The following CD99L2 variants were observed in gnomAD, a reference collection of about 807,000 sequenced individuals.
CD99L2 encodes the protein CD99 antigen-like protein 2.
In CD99L2, 24 loss-of-function variants were observed where a neutral mutation model predicts 27.3. The ratio of observed to expected loss-of-function variants is 0.88; its 90% CI spans 0.64 to 1.24. The LOEUF (loss-of-function observed/expected upper bound fraction) is 1.24. CD99L2 is among the 50% of genes most tolerant of loss of function. CD99L2 has a pLI of 0.00. For missense variants in CD99L2, 255 were observed against 221.6 expected (o/e 1.15, Z -0.96); for synonymous variants, 97 against 87.9 (o/e 1.10, Z -0.58).
chrX:150,875,754 G>GT (rs1211002764), intron 1 of CD99L2, among the ~76,000 whole-genome samples: 1 of 111,530 alleles, frequency 9.0e-6, no homozygotes, highest in East Asian at 2.8e-4. Context: ...ATGATGGTGA[G>GT]TAAGTCTCAC....
At position 150,768,836 on chromosome X, in the gene CD99L2, G is replaced by C. The variant is rs1010579387; in HGVS notation, c.*198C>G. On this transcript the variant is annotated 3_prime_UTR_variant, in exon 11 of 11. Coordinates refer to ENST00000370377, the MANE Select transcript of CD99L2 (RefSeq NM_031462.4). ...CTATCAGAGCTGGCTCTTGAATTTC[G>C]GCACCAAGTCTCAGCACGCTTGGGG... The C allele has an allele frequency of 7.6e-6, 7 of 924,100 alleles. No individual in the cohort carries two copies. Among genetic ancestry groups the C allele is most frequent in the Non-Finnish European group, 6.8e-6 (5 of 733,491 alleles). The allele number at this position is 924,100 out of a possible 1,213,427, so 76.2% of individuals were successfully genotyped here.
At chrX:150,879,924 C>CTAAAAAA (rs1557422441) in intron 1 of CD99L2, among the ~76,000 whole-genome samples, 1 of 70,809 alleles carries the variant, frequency 1.4e-5, no homozygotes. Context: ...CACCCTGTCT[C>CTAAAAAA]CAAAAAAAAA....
intron 1 of CD99L2, among the ~76,000 whole-genome samples, chrX:150,890,976 G>A (rs899002887): frequency 3.5e-5 from 4 of 112,754 alleles, no homozygotes; most frequent in Admixed American, 1.9e-4. Flanking sequence ...ACCTTCCTGG[G>A]CCCTCAGATA....
intron 1 of CD99L2, among the ~76,000 whole-genome samples, chrX:150,886,623 G>A (rs782027446): frequency 1.8e-5 from 2 of 112,327 alleles, no homozygotes; most frequent in African/African-American, 6.5e-5. Context: ...CTTTACAGTC[G>A]TGGTTCTCAA....
rs1557419885 is a variant in CD99L2, at chrX:150,795,518, C to A, written c.278-32G>T. 5.1e-6 allele frequency: 6 copies of A among 1,180,807 alleles called. No individual in the cohort carries two copies. In the Admixed American group the frequency reaches 1.3e-4, roughly 26 times the overall value. ...GGGGAAGGGAGGACAGCAAAGGGAG[C>A]ACATTTAGGAACAAAATGCAGCAGC... On this transcript the variant is annotated intron_variant, in intron 4 of 10. Transcript: ENST00000370377.
At chrX:150,881,932 C>T (rs1213647718) in intron 1 of CD99L2, among the ~76,000 whole-genome samples, 1 of 109,567 alleles carries the variant, frequency 9.1e-6, no homozygotes. Flanking sequence ...ATTCTCCTGC[C>T]TCAGCCTCCT....
rs1440168071 is a variant in CD99L2, at chrX:150,898,627, AG to A, written c.-40del. The A allele has an allele frequency of 1.1e-4, 118 of 1,050,597 alleles. 1 individual carries two copies. Among genetic ancestry groups the A allele is most frequent in the Non-Finnish European group, 1.4e-4 (115 of 811,453 alleles). 86.6% of individuals were successfully genotyped at this position (1,050,597 alleles called of 1,213,427 possible). ...CGGAGGGCCCCGGAGGAGCACAGTT[AG>A]CGCGAGAGCGCCCGAAGGGGAGGCC... is the stretch of plus-strand genomic sequence containing the variant. On this transcript the variant is annotated 5_prime_UTR_variant, in exon 1 of 11. Coordinates refer to ENST00000370377, the MANE Select transcript of CD99L2 (RefSeq NM_031462.4).
At chrX:150,804,030 C>T (rs1354884233) in intron 4 of CD99L2, among the ~76,000 whole-genome samples, 11 of 111,912 alleles carry the variant, frequency 9.8e-5, no homozygotes, top group Admixed American at 2.8e-4. Flanking sequence ...AAGGAAACAG[C>T]GGGCCAGGAC....
intron 1 of CD99L2, among the ~76,000 whole-genome samples, chrX:150,879,925 CAAA>C (rs782555339): frequency 7.3e-5 from 2 of 27,319 alleles, no homozygotes; most frequent in South Asian, 2.5e-3. Flanking sequence ...ACCCTGTCTC[CAAA>C]AAAAAAAAAA....
In CD99L2 at chrX:150,766,524, C is replaced by G. The variant is rs2043315280; in HGVS notation, c.*2510G>C. On this transcript the variant is annotated 3_prime_UTR_variant, in exon 11 of 11. Transcript: ENST00000370377. ...TCCCCTCTGGGTCCCACCCCAGAAG[C>G]CACGCACACCTCCTTCCGCCCAGCT... 1 of 111,596 alleles carries G rather than the reference C, an allele frequency of 9.0e-6. No homozygotes were observed. The highest frequency in any genetic ancestry group is 3.3e-5 in the African/African-American group (1 of 30,624). The allele number at this position is 111,596 out of a possible 1,213,427, so 9.2% of individuals were successfully genotyped here.
intron 7 of CD99L2, among the ~76,000 whole-genome samples, chrX:150,778,650 G>A (rs1461744441): frequency 3.3e-5 from 3 of 92,167 alleles, no homozygotes; most frequent in African/African-American, 1.3e-4. Flanking sequence ...TTAGGGACAT[G>A]TACCCTACAA....
At chrX:150,831,172 G>A (rs782547813) in intron 2 of CD99L2, 59 bp downstream of exon 2, 2 of 896,235 alleles carry the variant, frequency 2.2e-6, no homozygotes, top group South Asian at 4.4e-5. Flanking sequence ...ATTCTGAGTG[G>A]ATGATACACA....
chrX:150,823,746 G>A (rs140023627), intron 2 of CD99L2, among the ~76,000 whole-genome samples: 1,216 of 111,092 alleles, frequency 0.011, 56 homozygotes, highest in Admixed American at 0.1. Flanking sequence ...TGCCAAGTGG[G>A]GCTGGTTGCT....
chrX:150,888,761 C>T (rs1329530010), intron 1 of CD99L2, among the ~76,000 whole-genome samples: 1 of 111,925 alleles, frequency 8.9e-6, no homozygotes, highest in East Asian at 2.8e-4. Context: ...AGAGAGGCCA[C>T]ATTTGGGTGT....
chrX:150,775,353 G>A (rs1057097927), intron 9 of CD99L2, among the ~76,000 whole-genome samples: 5 of 112,357 alleles, frequency 4.5e-5, no homozygotes, highest in Non-Finnish European at 9.4e-5. Context: ...GCTCCACTCA[G>A]CAAACAGTGA....
At chrX:150,793,901 A>AC in intron 6 of CD99L2, 145 bp from the exon 7 acceptor site, 1 of 406,487 alleles carries the variant, frequency 2.5e-6, no homozygotes, top group East Asian at 4.2e-5. Context: ...GTCCCCCCAG[A>AC]CCCCCTCCCA....
intron 1 of CD99L2, among the ~76,000 whole-genome samples, chrX:150,865,155 GA>G (rs781844670): frequency 3.7e-4 from 41 of 110,715 alleles, no homozygotes; most frequent in Non-Finnish European, 6.8e-4. Context: ...TTAATGAGGA[GA>G]GGGGGGGAAA....
rs782586479 is a variant in CD99L2, at chrX:150,766,685, G to C, written c.*2349C>G. The C allele has an allele frequency of 8.9e-6, 1 of 112,606 alleles. No homozygotes were observed. Among genetic ancestry groups the C allele is most frequent in the Non-Finnish European group, 1.9e-5 (1 of 53,326 alleles). 9.3% of individuals were successfully genotyped at this position (112,606 alleles called of 1,213,427 possible). On this transcript the variant is annotated 3_prime_UTR_variant, in exon 11 of 11. Coordinates refer to ENST00000370377, the MANE Select transcript of CD99L2 (RefSeq NM_031462.4). ...TCCACTGTGTCTCCCCTCTCGCTTG[G>C]GACAGGCCCATGCTGGCCAGTGCAA...
intron 7 of CD99L2, among the ~76,000 whole-genome samples, chrX:150,793,101 G>A (rs2045721272): frequency 8.9e-6 from 1 of 112,097 alleles, no homozygotes; most frequent in Admixed American, 9.5e-5. Flanking sequence ...GATGAAATCT[G>A]AACAAGGTCT....
Sources: allele counts gnomAD v4.1 joint callset (sites outside exome capture counted in the v4.1 genomes callset), GRCh38; gene constraint gnomAD v4.1.1; transcripts MANE v1.5; gene names NCBI Gene and HGNC (gene_info 2026-07-23, HGNC 2026-07-21).